The following UBXN2B variants were observed in gnomAD, a reference collection of about 807,000 sequenced individuals.
UBXN2B encodes UBX domain-containing protein 2B.
A neutral mutation model predicts 37.5 loss-of-function variants in UBXN2B; 19 were observed. The ratio of observed to expected loss-of-function variants is 0.51; its 90% confidence interval spans 0.35 to 0.74. The LOEUF (loss-of-function observed/expected upper bound fraction) is 0.74. Among genes scored for constraint, UBXN2B ranks in the 30% least tolerant of loss-of-function variants. The pLI, the probability that UBXN2B is intolerant of heterozygous loss-of-function variation, is 0.01. For synonymous variants in UBXN2B, 145 were observed against 143.8 expected, an observed-to-expected ratio of 1.01 and a Z score of -0.06; for missense variants, 370 against 393.2, an observed-to-expected ratio of 0.94 and a Z score of 0.50.
intron 3 of UBXN2B, among the ~76,000 whole-genome samples, chr8:58,432,478 G>T (rs1023907497): frequency 3.4e-5 from 5 of 146,682 alleles, no homozygotes; most frequent in African/African-American, 1.0e-4. Context: ...CGCCTCCCGG[G>T]TTCACACCAT....
Position 58,441,348 on chromosome 8 carries a change from C to CATATATATATATATAT in UBXN2B, c.671+1583_671+1598dup, listed in dbSNP as rs33952664. Among the ~76,000 whole-genome samples, 90 of 104,612 alleles carry CATATATATATATATAT rather than the reference C, an allele frequency of 8.6e-4. 5 individuals are homozygous for CATATATATATATATAT. The highest frequency in any genetic ancestry group is 2.3e-3 in the African/African-American group (58 of 24,994). 68.6% of individuals were successfully genotyped at this position (104,612 alleles called of 152,430 possible). A position where few individuals can be genotyped will look rare whatever the true frequency, so the allele number is the denominator to read the frequency against. On this transcript the variant is annotated intron_variant, in intron 6 of 7. Transcript: ENST00000399598. ...TTTTTACTCCTCTTGTTGTGATCAA[C>CATATATATATATATAT]ATATATATATATATATATATGTATG...
chr8:58,415,130 A>G (rs1309763189), intron 1 of UBXN2B, among the ~76,000 whole-genome samples: 1 of 152,118 alleles, frequency 6.6e-6, no homozygotes, highest in African/African-American at 2.4e-5. Context: ...GTACACAAGT[A>G]ATGACAACAT....
chr8:58,434,192 C>T (rs1335956732), intron 4 of UBXN2B, among the ~76,000 whole-genome samples: 2 of 152,074 alleles, frequency 1.3e-5, no homozygotes, highest in African/African-American at 4.8e-5. Flanking sequence ...TGAATGCAAA[C>T]TAGCTAAACA....
chr8:58,423,114 T>TCATCATCAA (rs1807972693), intron 2 of UBXN2B, among the ~76,000 whole-genome samples: 1 of 150,268 alleles, frequency 6.7e-6, no homozygotes, highest in South Asian at 2.1e-4. Flanking sequence ...ATCATCATCA[T>TCATCATCAA]CATCATCAAT....
At chr8:58,426,791 C>T (rs553144705) in intron 2 of UBXN2B, 21 of 603,730 alleles carry the variant, frequency 3.5e-5, no homozygotes, top group South Asian at 8.9e-5. Context: ...GGACCAGATG[C>T]GGGGCGGAGC....
chr8:58,439,574 A>T, intron 5 of UBXN2B, 59 bp from the exon 6 acceptor site: 2 of 1,555,842 alleles, frequency 1.3e-6, no homozygotes, highest in Non-Finnish European at 1.7e-6. Flanking sequence ...AGTAATCTCA[A>T]CAGTGTAGTT....
chr8:58,417,384 C>T (rs545173321), intron 2 of UBXN2B, among the ~76,000 whole-genome samples: 1 of 152,294 alleles, frequency 6.6e-6, no homozygotes, highest in South Asian at 2.1e-4. Context: ...TTTCTTGAAG[C>T]CACTCCATGG....
chr8:58,439,838 A>C, intron 6 of UBXN2B, 68 bp downstream of exon 6: 1 of 1,525,736 alleles, frequency 6.6e-7, no homozygotes, highest in Non-Finnish European at 8.8e-7. Flanking sequence ...TAAGAAAAGC[A>C]AAATGACCTA....
Position 58,424,776 on chromosome 8 carries a change from CTCT to C in UBXN2B, c.189-5737_189-5735del, listed in dbSNP as rs1808034045. The C allele has an allele frequency of 8.3e-6, 12 of 1,442,140 alleles. No individual in the cohort carries two copies. The South Asian group carries it at 1.0e-4, about 12-fold the overall frequency. 89.3% of individuals were successfully genotyped at this position (1,442,140 alleles called of 1,614,324 possible). A position where few individuals can be genotyped will look rare whatever the true frequency, so the allele number is the denominator to read the frequency against. The stretch of plus-strand genomic sequence containing the variant: ...CATGACCTTTCCTCTTGCTTTTCTG[CTCT>C]TCTTCAATCCTGCGCTGTAGTGTTT... On this transcript the variant is annotated intron_variant, in intron 2 of 7. Coordinates refer to ENST00000399598, the MANE Select transcript of UBXN2B (RefSeq NM_001077619.2).
At position 58,439,500 on chromosome 8, in the gene UBXN2B, A is replaced by G. The variant is rs999999187; in HGVS notation, c.534-133A>G. 15 of 1,111,856 alleles carry G rather than the reference A, an allele frequency of 1.3e-5. No individual in the cohort carries two copies. The African/African-American group carries it at 2.1e-4, about 15-fold the overall frequency. The allele number at this position is 1,111,856 out of a possible 1,614,324, so 68.9% of individuals were successfully genotyped here. On this transcript the variant is annotated intron_variant, in intron 5 of 7. Transcript: ENST00000399598. ...TACAAGGACTGATCAGTCATTATGG[A>G]AATTTTTGTGTTATAATTTAAGCAA...
At position 58,411,433 on chromosome 8, in the gene UBXN2B, T is replaced by A; in HGVS notation, c.48T>A (p.Ser16=). 6 of 1,261,128 alleles carry A rather than the reference T, an allele frequency of 4.8e-6. No homozygotes were observed. The highest frequency in any genetic ancestry group is 5.0e-6 in the Non-Finnish European group (5 of 997,478). The allele number at this position is 1,261,128 out of a possible 1,614,324, so 78.1% of individuals were successfully genotyped here. A position where few individuals can be genotyped will look rare whatever the true frequency, so the allele number is the denominator to read the frequency against. ...GPEPGEQERR[S]SGPRPPSARD... ...AGCCCGGCGAGCAGGAGAGGAGGTC[T>A]TCCGGGCCGCGGCCTCCGAGCGCGC... The change falls in exon 1 of 8, where the codon TCT becomes TCA. Residue 16 remains serine (S), a synonymous_variant. Transcript: ENST00000399598.
chr8:58,427,044 A>G (rs944425194), intron 2 of UBXN2B, among the ~76,000 whole-genome samples: 18 of 152,258 alleles, frequency 1.2e-4, no homozygotes, highest in African/African-American at 4.3e-4. Flanking sequence ...AATGTTAGCT[A>G]TTACTATTCA....
intron 7 of UBXN2B, 110 bp from the exon 8 acceptor site, chr8:58,447,279 C>A: frequency 4.0e-6 from 4 of 997,156 alleles, no homozygotes; most frequent in Non-Finnish European, 5.6e-6. Flanking sequence ...AAAGTTACAA[C>A]ACCTTTATAT....
intron 1 of UBXN2B, chr8:58,413,413 C>T (rs1204459080): frequency 6.6e-6 from 1 of 152,088 alleles, no homozygotes; most frequent in Non-Finnish European, 1.5e-5. Context: ...ATGTTCTTCC[C>T]AAATGGTACC....
chr8:58,430,985 G>A (rs112563596), intron 3 of UBXN2B, among the ~76,000 whole-genome samples: 14 of 152,112 alleles, frequency 9.2e-5, no homozygotes, highest in South Asian at 2.1e-4. Context: ...CAATGGTTAC[G>A]TTTCACATGA....
At chr8:58,441,357 A>ATATATATATATGTATGTGTATATG (rs1808542542) in intron 6 of UBXN2B, among the ~76,000 whole-genome samples, 1 of 145,842 alleles carries the variant, frequency 6.9e-6, no homozygotes, top group African/African-American at 2.6e-5. Flanking sequence ...ACATATATAT[A>ATATATATATATGTATGTGTATATG]TATATATATA....
At chr8:58,438,887 G>A (rs1397349081) in intron 5 of UBXN2B, among the ~76,000 whole-genome samples, 1 of 152,134 alleles carries the variant, frequency 6.6e-6, no homozygotes, top group African/African-American at 2.4e-5. Context: ...CTCCATTACT[G>A]AGGTGGGGCT....
chr8:58,439,048 A>G (rs1354015524), intron 5 of UBXN2B, among the ~76,000 whole-genome samples: 1 of 152,106 alleles, frequency 6.6e-6, no homozygotes, highest in Non-Finnish European at 1.5e-5. Context: ...TGCTCTTGCC[A>G]TGTGATATGC....
chr8:58,450,230 A>G lies in UBXN2B; in HGVS notation c.*2679A>G, dbSNP rs1808773868. On this transcript the variant is annotated 3_prime_UTR_variant, in exon 8 of 8. Coordinates refer to ENST00000399598, the MANE Select transcript of UBXN2B (RefSeq NM_001077619.2). ...CAAATCATCAAGTCCTGGTTTCTTT[A>G]TATTTAACAGGTCTTCCCTCAATCT... 6.6e-6 allele frequency: 1 copy of G among 152,176 alleles called. No individual in the cohort carries two copies. Among genetic ancestry groups the G allele is most frequent in the Non-Finnish European group, 1.5e-5 (1 of 68,030 alleles). 9.4% of individuals were successfully genotyped at this position (152,176 alleles called of 1,614,324 possible). A position where few individuals can be genotyped will look rare whatever the true frequency, so the allele number is the denominator to read the frequency against.
Sources: gnomAD v4.1 joint callset for allele counts (sites outside exome capture counted in the v4.1 genomes callset) on GRCh38, gnomAD v4.1.1 for gene constraint, MANE v1.5 for transcripts, NCBI Gene and HGNC (gene_info 2026-07-23, HGNC 2026-07-21) for gene names.